The following CEP192 variants were observed in gnomAD, a reference collection of about 807,000 sequenced individuals.
The protein encoded by CEP192 is centrosomal protein of 192 kDa.
A neutral mutation model predicts 271.8 loss-of-function variants in CEP192; 151 were observed. That is an observed-to-expected ratio of 0.56 (90% CI 0.49 to 0.64). The LOEUF is 0.64. Among genes scored for constraint, CEP192 ranks in the 30% least tolerant of loss-of-function variants. The pLI is 0.00. For synonymous variants in CEP192, 995 were observed against 1,076.5 expected, an observed-to-expected ratio of 0.92 and a Z score of 1.48; for missense variants, 2,910 against 3,020.5, an observed-to-expected ratio of 0.96 and a Z score of 0.86.
intron 17 of CEP192, among the ~76,000 whole-genome samples, 180 bp downstream of exon 17, chr18:13,050,071 T>TA (rs1254001094): frequency 1.3e-5 from 2 of 152,136 alleles, no homozygotes; most frequent in African/African-American, 4.8e-5. Context: ...CTTTTTTTTT[T>TA]ACTCTTTATA....
intron 40 of CEP192, among the ~76,000 whole-genome samples, chr18:13,106,991 G>A (rs1193294175): frequency 6.6e-6 from 1 of 152,168 alleles, no homozygotes; most frequent in African/African-American, 2.4e-5. Context: ...CAAGACACAA[G>A]AAACTGTAAT....
At chr18:13,080,441 C>T (rs1017236938) in intron 30 of CEP192, among the ~76,000 whole-genome samples, 1 of 152,076 alleles carries the variant, frequency 6.6e-6, no homozygotes. Flanking sequence ...CTCTGTTTGT[C>T]TGTTATTGGT....
At position 13,031,157 on chromosome 18, in the gene CEP192, C is replaced by T. The variant is rs190419376; in HGVS notation, c.1534+549C>T. Reference sequence around the variant, plus strand: ...TTTTGAGCTGGAGACTGTGAAGATGCTATGCTGCAACCCTCAGGGCTGAGC... The same window carrying T: ...TTTTGAGCTGGAGACTGTGAAGATGTTATGCTGCAACCCTCAGGGCTGAGC... On this transcript the variant is annotated intron_variant, in intron 11 of 44. Transcript: ENST00000506447. 7.9e-4 allele frequency among the ~76,000 whole-genome samples: 120 copies of T among 151,700 alleles called. 5 individuals are homozygous for T. In the South Asian group the frequency reaches 0.025, roughly 31 times the overall value.
chr18:13,072,255 A>G (rs1217546589), intron 28 of CEP192, among the ~76,000 whole-genome samples: 1 of 152,150 alleles, frequency 6.6e-6, no homozygotes, highest in Non-Finnish European at 1.5e-5. Flanking sequence ...GTCAGGTGCT[A>G]TTTTATGTCC....
intron 4 of CEP192, 105 bp downstream of exon 4, chr18:13,008,736 T>C (rs2034139885): frequency 3.4e-6 from 3 of 881,074 alleles, no homozygotes; most frequent in South Asian, 1.9e-5. Context: ...AGGGTCGCAC[T>C]CCTGTCGCCC....
At chr18:13,081,227 C>T (rs1385259757) in intron 30 of CEP192, among the ~76,000 whole-genome samples, 1 of 152,164 alleles carries the variant, frequency 6.6e-6, no homozygotes, top group Non-Finnish European at 1.5e-5. Flanking sequence ...ACCAGCTCCT[C>T]TTTGTACCTC....
At chr18:13,086,880 G>T (rs1026331498) in intron 30 of CEP192, 137 bp from the exon 31 acceptor site, 8 of 593,376 alleles carry the variant, frequency 1.3e-5, no homozygotes, top group South Asian at 7.7e-5. Flanking sequence ...CTGGAAATGG[G>T]GAACTACTAC....
intron 37 of CEP192, 22 bp from the exon 38 acceptor site, chr18:13,100,283 C>T (rs765381254): frequency 6.4e-7 from 1 of 1,553,296 alleles, no homozygotes; most frequent in Admixed American, 1.7e-5. Flanking sequence ...TGTAGCTTAT[C>T]CCTTTATTTG....
chr18:13,049,552 T>C lies in CEP192; in HGVS notation c.2761T>C (p.Leu921=). The C allele has an allele frequency of 6.2e-7, 1 of 1,613,986 alleles. No homozygotes were observed. Reference sequence around the variant, plus strand: ...CCCCAGAATAACATCCCTTTGTCTGTTAAAAGACTGTGAAGAAATACGAGA... The same window carrying C: ...CCCCAGAATAACATCCCTTTGTCTGCTAAAAGACTGTGAAGAAATACGAGA... ...RNPRITSLCL[L]KDCEEIRDNR... is the part of the protein sequence containing the mutation. Residue 921 remains leucine, a synonymous_variant, in exon 16 of 45, where the codon TTA becomes CTA. Transcript: ENST00000506447.
chr18:13,017,470 A>G, intron 7 of CEP192, 134 bp downstream of exon 7: 2 of 578,462 alleles, frequency 3.5e-6, no homozygotes, highest in Non-Finnish European at 5.5e-6. Context: ...CGAGGTATGA[A>G]TTGATAAGAA....
At chr18:13,044,473 T>G (rs1267812190) in intron 15 of CEP192, among the ~76,000 whole-genome samples, 3 of 152,138 alleles carry the variant, frequency 2.0e-5, no homozygotes, top group African/African-American at 7.2e-5. Context: ...TCTTCTAATC[T>G]TTGTTCACTA....
intron 30 of CEP192, among the ~76,000 whole-genome samples, chr18:13,076,388 C>T (rs1020704698): frequency 6.7e-5 from 10 of 148,246 alleles, no homozygotes; most frequent in Admixed American, 2.0e-4. Flanking sequence ...CCACACCCAG[C>T]TGATTTTTGT....
chr18:13,124,516 T>C, intron 44 of CEP192, 116 bp from the exon 45 acceptor site: 1 of 875,716 alleles, frequency 1.1e-6, no homozygotes, highest in African/African-American at 1.6e-5. Flanking sequence ...ACATTTAAGC[T>C]GAATGTGGCT....
At chr18:13,041,283 T>A (rs1217056370) in intron 14 of CEP192, among the ~76,000 whole-genome samples, 1 of 152,182 alleles carries the variant, frequency 6.6e-6, no homozygotes, top group Admixed American at 6.5e-5. Flanking sequence ...TTTAAAGAGA[T>A]GTTTTGAGAT....
chr18:13,043,662 C>T (rs1026396910), intron 15 of CEP192, among the ~76,000 whole-genome samples: 4 of 152,136 alleles, frequency 2.6e-5, no homozygotes, highest in African/African-American at 9.7e-5. Flanking sequence ...CCACCAACAA[C>T]CCTGTTGGAC....
chr18:13,008,905 G>T (rs1354415328), intron 4 of CEP192, among the ~76,000 whole-genome samples: 2 of 151,604 alleles, frequency 1.3e-5, no homozygotes, highest in African/African-American at 4.8e-5. Flanking sequence ...ACAGGGTTTC[G>T]CCATGTTGCC....
chr18:12,995,720 G>A (rs2033187766), intron 1 of CEP192, among the ~76,000 whole-genome samples: 1 of 152,188 alleles, frequency 6.6e-6, no homozygotes. Context: ...AAAGGAGGTT[G>A]GGAAGTGCCC....
In CEP192 at chr18:13,031,189, G is replaced by A. The variant is rs553620631; in HGVS notation, c.1534+581G>A. On this transcript the variant is annotated intron_variant, in intron 11 of 44. Coordinates refer to ENST00000506447, the MANE Select transcript of CEP192 (RefSeq NM_032142.4). ...GCAACCCTCAGGGCTGAGCTCTTCT[G>A]TAACTGGAAGGAGCCACGCTGCTCA... is the stretch of plus-strand genomic sequence containing the variant. Among the ~76,000 whole-genome samples, 9 of 150,960 alleles carry A rather than the reference G, an allele frequency of 6.0e-5. No homozygotes were observed. The East Asian group carries it at 1.6e-3, about 26-fold the overall frequency.
chr18:12,993,196 A>T (rs28619103), intron 1 of CEP192, among the ~76,000 whole-genome samples: 6 of 152,004 alleles, frequency 3.9e-5, no homozygotes, highest in African/African-American at 7.3e-5. Context: ...CCTAGGTGTC[A>T]GGCTTGTATT....
Sources: allele counts gnomAD v4.1 joint callset (sites outside exome capture counted in the v4.1 genomes callset), GRCh38; gene constraint gnomAD v4.1.1; transcripts MANE v1.5; gene names NCBI Gene and HGNC (gene_info 2026-07-23, HGNC 2026-07-21).